Variants in SIAH2 observed in about 807,000 individuals in gnomAD.
SIAH2 encodes the protein siah E3 ubiquitin protein ligase 2, also known as E3 ubiquitin-protein ligase SIAH2.
SIAH2 carries 4 observed loss-of-function variants against 20.4 expected under a neutral mutation model. That is an observed-to-expected ratio of 0.20 (90% confidence interval 0.10 to 0.45). SIAH2 has a LOEUF of 0.45. Ranked by LOEUF, SIAH2 falls within the 20% of genes least tolerant of loss-of-function variation. The probability of loss-of-function intolerance (pLI) is 0.99; values close to 1 mark genes in which losing one functional copy is unlikely to be tolerated. For synonymous variants in SIAH2, 171 were observed against 192.5 expected (o/e 0.89, Z 0.93); for missense variants, 259 against 440.3 (o/e 0.59, Z 3.69).
intron 1 of SIAH2, among the ~76,000 whole-genome samples, chr3:150,759,573 T>C (rs1202528518): frequency 6.6e-6 from 1 of 152,100 alleles, no homozygotes; most frequent in Non-Finnish European, 1.5e-5. Flanking sequence ...CGTAGTAAGG[T>C]GTAGGACAAA....
intron 1 of SIAH2, among the ~76,000 whole-genome samples, chr3:150,755,123 G>A (rs1714455942): frequency 6.6e-6 from 1 of 151,964 alleles, no homozygotes; most frequent in African/African-American, 2.4e-5. Flanking sequence ...GGCTTGGAGA[G>A]GTCACCAGCC....
In SIAH2 at chr3:150,755,032, G is replaced by A. The variant is rs1026626148; in HGVS notation, c.417+7401C>T. On this transcript the variant is annotated intron_variant, in intron 1 of 1. Transcript: ENST00000312960. ...ATTTAGTTTCTGTTAGCTTCTAACT[G>A]AGCACATTTATTTAGTGCCTGGGCT... 2.0e-5 allele frequency among the ~76,000 whole-genome samples: 3 copies of A among 152,100 alleles called. No individual in the cohort carries two copies. The East Asian group carries it at 5.8e-4, about 29-fold the overall frequency.
chr3:150,753,313 G>A (rs978757314), intron 1 of SIAH2, among the ~76,000 whole-genome samples: 41 of 152,222 alleles, frequency 2.7e-4, no homozygotes, highest in African/African-American at 9.9e-4. Context: ...GCAAGAGTGA[G>A]TATGATGTAA....
intron 1 of SIAH2, among the ~76,000 whole-genome samples, chr3:150,748,259 AC>A (rs1714272426): frequency 6.6e-6 from 1 of 152,070 alleles, no homozygotes; most frequent in African/African-American, 2.4e-5. Context: ...CAGCATAGAA[AC>A]CCCTTCATAC....
chr3:150,757,759 T>C (rs573900549), intron 1 of SIAH2, among the ~76,000 whole-genome samples: 3 of 151,998 alleles, frequency 2.0e-5, no homozygotes, highest in Admixed American at 1.3e-4. Context: ...GATAGGAGGA[T>C]TGCTTGAGCT....
Position 150,741,991 on chromosome 3 carries a change from C to G in SIAH2, c.*150G>C, listed in dbSNP as rs975150589. ...CCCAGGTTAATGAACTTTGTTGGGTCGAAGCCAGATGGGACACTGCTGTTC... is the reference window on the plus strand; with the variant it reads ...CCCAGGTTAATGAACTTTGTTGGGTGGAAGCCAGATGGGACACTGCTGTTC... On this transcript the variant is annotated 3_prime_UTR_variant, in exon 2 of 2. Coordinates refer to ENST00000312960, the MANE Select transcript of SIAH2 (RefSeq NM_005067.7). 1.3e-6 allele frequency: 1 copy of G among 748,960 alleles called. No homozygotes were observed. Among genetic ancestry groups the G allele is most frequent in the Non-Finnish European group, 2.2e-6 (1 of 461,764 alleles). The allele number at this position is 748,960 out of a possible 1,614,324, so 46.4% of individuals were successfully genotyped here. A position where few individuals can be genotyped will look rare whatever the true frequency, so the allele number is the denominator to read the frequency against.
chr3:150,753,925 T>A (rs939870933), intron 1 of SIAH2, among the ~76,000 whole-genome samples: 3 of 150,770 alleles, frequency 2.0e-5, no homozygotes, highest in Admixed American at 2.0e-4. Flanking sequence ...AGCAGTGCTT[T>A]AAAAAAAAAA....
intron 1 of SIAH2, among the ~76,000 whole-genome samples, chr3:150,753,715 G>A (rs1008731685): frequency 6.6e-6 from 1 of 152,054 alleles, no homozygotes; most frequent in Admixed American, 6.6e-5. Flanking sequence ...GATCCCCTGA[G>A]CCCAGGAGGT....
rs958475297 is a variant in SIAH2 at position 150,762,814 on chromosome 3, A to G, written c.36T>C (p.Asn12=). 1.6e-6 allele frequency: 2 copies of G among 1,222,222 alleles called. No individual in the cohort carries two copies. Among genetic ancestry groups the G allele is most frequent in the Non-Finnish European group, 2.1e-6 (2 of 968,132 alleles). The allele number at this position is 1,222,222 out of a possible 1,614,324, so 75.7% of individuals were successfully genotyped here. A position where few individuals can be genotyped will look rare whatever the true frequency, so the allele number is the denominator to read the frequency against. ...SRPSSTGPSA[N]KPCSKQPPPQ... ...GCGGCGGCTGCTTGCTGCAGGGTTT[A>G]TTAGCGCTGGGGCCGGTGGAGGACG... Residue 12 remains asparagine, a synonymous_variant, in exon 1 of 2, where the codon AAT becomes AAC. Transcript: ENST00000312960. The surrounding 1 kb of genome is among the most constrained non-coding windows in gnomAD (Gnocchi z 6.6).
Position 150,742,781 on chromosome 3 carries a change from C to T in SIAH2, c.418-83G>A. 1 of 1,171,432 alleles carries T rather than the reference C, an allele frequency of 8.5e-7. No individual in the cohort carries two copies. Among genetic ancestry groups the T allele is most frequent in the Non-Finnish European group, 1.2e-6 (1 of 849,108 alleles). 72.6% of individuals were successfully genotyped at this position (1,171,432 alleles called of 1,614,324 possible). On this transcript the variant is annotated intron_variant, in intron 1 of 1. Coordinates refer to ENST00000312960, the MANE Select transcript of SIAH2 (RefSeq NM_005067.7). The surrounding 1 kb of genome is among the most constrained non-coding windows in gnomAD (Gnocchi z 4.8). ...ACCCTCTATGAGTACTTAACTACTC[C>T]ATTTTCCTGGGCTTAAACTGTGTTC... is the stretch of plus-strand genomic sequence containing the variant.
At chr3:150,752,954 C>A (rs1032722455) in intron 1 of SIAH2, among the ~76,000 whole-genome samples, 4 of 152,194 alleles carry the variant, frequency 2.6e-5, no homozygotes, top group Non-Finnish European at 5.9e-5. Flanking sequence ...AAAAACTGCA[C>A]GAGCATGGGT....
At chr3:150,746,528 TG>T (rs1488592440) in intron 1 of SIAH2, among the ~76,000 whole-genome samples, 1 of 152,206 alleles carries the variant, frequency 6.6e-6, no homozygotes, top group Non-Finnish European at 1.5e-5. Context: ...TTCGTTGTTG[TG>T]GGGGCTGTGC....
chr3:150,746,698 C>G (rs1045407457), intron 1 of SIAH2, among the ~76,000 whole-genome samples: 2 of 152,098 alleles, frequency 1.3e-5, no homozygotes, highest in African/African-American at 4.8e-5. Flanking sequence ...AGTTGAGAAC[C>G]ACTGACTCTG....
intron 1 of SIAH2, among the ~76,000 whole-genome samples, chr3:150,750,864 G>A (rs1457446744): frequency 6.6e-6 from 1 of 152,194 alleles, no homozygotes; most frequent in Non-Finnish European, 1.5e-5. Flanking sequence ...AGTAGCCAGT[G>A]TCCTGTGTGA....
intron 1 of SIAH2, among the ~76,000 whole-genome samples, chr3:150,760,008 A>T (rs554047204): frequency 6.6e-6 from 1 of 152,218 alleles, no homozygotes; most frequent in South Asian, 2.1e-4. Flanking sequence ...AGGCAGTCCC[A>T]TAATTTCTAG....
Position 150,747,787 on chromosome 3 carries a change from AAAAAACAAAAAC to A in SIAH2, c.418-5101_418-5090del, listed in dbSNP as rs542369842. Among the ~76,000 whole-genome samples the A allele has an allele frequency of 3.3e-4, 50 of 152,006 alleles. No homozygotes were observed. In the East Asian group the frequency reaches 9.7e-3, roughly 30 times the overall value. ...GAAACCCCATCTCTACTAAAAATACAAAAAACAAAAACAAAAACAAAAAAAAATTAGCCGGTT... is the reference window on the plus strand; with the variant it reads ...GAAACCCCATCTCTACTAAAAATACAAAAAACAAAAAAAAATTAGCCGGTT... On this transcript the variant is annotated intron_variant, in intron 1 of 1. Coordinates refer to ENST00000312960, the MANE Select transcript of SIAH2 (RefSeq NM_005067.7).
At chr3:150,748,448 C>T (rs1714276682) in intron 1 of SIAH2, among the ~76,000 whole-genome samples, 1 of 152,226 alleles carries the variant, frequency 6.6e-6, no homozygotes, top group South Asian at 2.1e-4. Flanking sequence ...GAACAAGTCA[C>T]TTAACCTATT....
intron 1 of SIAH2, among the ~76,000 whole-genome samples, chr3:150,744,884 C>A (rs932235081): frequency 1.3e-5 from 2 of 152,160 alleles, no homozygotes; most frequent in African/African-American, 4.8e-5. Context: ...ACTTTCCCCA[C>A]TCAAGTAGGA....
intron 1 of SIAH2, among the ~76,000 whole-genome samples, chr3:150,754,880 C>T (rs1459228966): frequency 1.3e-5 from 2 of 152,068 alleles, no homozygotes; most frequent in African/African-American, 4.8e-5. Context: ...CCAACTTACA[C>T]AGCTCTATGA....
Sources: allele counts gnomAD v4.1 joint callset (sites outside exome capture counted in the v4.1 genomes callset), GRCh38; gene constraint gnomAD v4.1.1; non-coding constraint Gnocchi (gnomAD v3.1); transcripts MANE v1.5; gene names NCBI Gene and HGNC (gene_info 2026-07-23, HGNC 2026-07-21).